SYNJ2BP: variants seen among roughly 807,000 people sequenced by gnomAD.
SYNJ2BP encodes synaptojanin 2 binding protein, also known as synaptojanin-2-binding protein.
In SYNJ2BP, 10 loss-of-function variants were observed where a neutral mutation model predicts 16.9. The observed-to-expected ratio is 0.59, with a 90% CI of 0.36 to 1.00. SYNJ2BP has a LOEUF of 1.00. Ranked by LOEUF, SYNJ2BP falls within the 50% of genes least tolerant of loss-of-function variation. The pLI, the probability that SYNJ2BP is intolerant of heterozygous loss-of-function variation, is 0.01. For missense variants in SYNJ2BP, 162 were observed against 186.7 expected, an observed-to-expected ratio of 0.87 and a Z score of 0.77; for synonymous variants, 54 against 68.4, an observed-to-expected ratio of 0.79 and a Z score of 1.04.
intron 1 of SYNJ2BP, among the ~76,000 whole-genome samples, chr14:70,394,550 A>C (rs1330399160): frequency 7.9e-5 from 12 of 151,972 alleles, no homozygotes; most frequent in Admixed American, 7.2e-4. Context: ...CAAGATTAAA[A>C]TGGGTTGCTG....
chr14:70,374,384 CT>C (rs1887579570), intron 3 of SYNJ2BP, among the ~76,000 whole-genome samples: 1 of 152,142 alleles, frequency 6.6e-6, no homozygotes, highest in African/African-American at 2.4e-5. Context: ...GCCTTCTCTA[CT>C]TTTTTAGGAA....
intron 1 of SYNJ2BP, among the ~76,000 whole-genome samples, chr14:70,390,547 A>T (rs573119985): frequency 6.6e-6 from 1 of 152,262 alleles, no homozygotes; most frequent in African/African-American, 2.4e-5. Context: ...AGGCACCTGT[A>T]GTCCCAGCTA....
At chr14:70,410,634 A>T (rs903980054) in intron 1 of SYNJ2BP, among the ~76,000 whole-genome samples, 1 of 152,196 alleles carries the variant, frequency 6.6e-6, no homozygotes, top group East Asian at 1.9e-4. Flanking sequence ...TCAATGGTAG[A>T]CTGGACAAAG....
chr14:70,395,568 G>C (rs1888071503), intron 1 of SYNJ2BP, among the ~76,000 whole-genome samples: 1 of 151,778 alleles, frequency 6.6e-6, no homozygotes, highest in Non-Finnish European at 1.5e-5. Context: ...TTTTCTCCCA[G>C]ACATCAATCA....
At chr14:70,391,971 C>A (rs1887990211) in intron 1 of SYNJ2BP, among the ~76,000 whole-genome samples, 2 of 152,202 alleles carry the variant, frequency 1.3e-5, no homozygotes, top group African/African-American at 4.8e-5. Flanking sequence ...ATAAAAGAGT[C>A]ACCACAGCAT....
intron 3 of SYNJ2BP, among the ~76,000 whole-genome samples, chr14:70,373,892 G>T (rs1171985625): frequency 6.6e-6 from 1 of 152,080 alleles, no homozygotes; most frequent in East Asian, 1.9e-4. Context: ...AATAATTATG[G>T]CATCATCGTA....
intron 1 of SYNJ2BP, among the ~76,000 whole-genome samples, chr14:70,395,970 C>CT (rs199613803): frequency 0.031 from 4,761 of 152,034 alleles, 106 homozygotes; most frequent in Middle Eastern, 0.075. Context: ...GAATTTCATT[C>CT]TTTTTTTTAA....
At chr14:70,396,728 G>A (rs1274386152) in intron 1 of SYNJ2BP, among the ~76,000 whole-genome samples, 1 of 152,050 alleles carries the variant, frequency 6.6e-6, no homozygotes, top group Non-Finnish European at 1.5e-5. Flanking sequence ...TTCCCTAACA[G>A]CTAGTGATGT....
intron 1 of SYNJ2BP, among the ~76,000 whole-genome samples, chr14:70,411,006 A>G (rs1888460900): frequency 6.6e-6 from 1 of 152,190 alleles, no homozygotes. Flanking sequence ...AACCTAAAAT[A>G]ATAGTTAAAT....
intron 1 of SYNJ2BP, among the ~76,000 whole-genome samples, chr14:70,401,899 C>T (rs759719179): frequency 6.6e-6 from 1 of 152,146 alleles, no homozygotes; most frequent in African/African-American, 2.4e-5. Flanking sequence ...AACCTACCAC[C>T]TCCGCCTCCC....
At chr14:70,413,713 A>C (rs1258687026) in intron 1 of SYNJ2BP, among the ~76,000 whole-genome samples, 2 of 152,186 alleles carry the variant, frequency 1.3e-5, no homozygotes, top group Non-Finnish European at 2.9e-5. Flanking sequence ...TTGCCTCTTC[A>C]CTCTGTTGTC....
In SYNJ2BP at chr14:70,400,523, AC is replaced by A. The variant is rs775401655; in HGVS notation, c.65-11918del. On this transcript the variant is annotated intron_variant, in intron 1 of 3. Coordinates refer to ENST00000256366, the MANE Select transcript of SYNJ2BP (RefSeq NM_018373.3). ...TCCCAAGTTCACTTTATAAAAAAAA[AC>A]AAACAATACCCTTTTGAATTTAGTA... Among the ~76,000 whole-genome samples the A allele has an allele frequency of 1.1e-4, 16 of 152,336 alleles. 1 individual carries two copies. Among genetic ancestry groups the A allele is most frequent in the South Asian group, 4.1e-4 (2 of 4,826 alleles).
intron 1 of SYNJ2BP, among the ~76,000 whole-genome samples, chr14:70,414,182 GA>G (rs539020594): frequency 1.3e-5 from 2 of 152,266 alleles, no homozygotes; most frequent in South Asian, 2.1e-4. Flanking sequence ...ACATGAACTT[GA>G]AACCTTTCTT....
chr14:70,401,677 C>G (rs529363220), intron 1 of SYNJ2BP, among the ~76,000 whole-genome samples: 1 of 152,196 alleles, frequency 6.6e-6, no homozygotes, highest in East Asian at 1.9e-4. Flanking sequence ...TCTCCAGGCT[C>G]TTGCTCTGTT....
At chr14:70,385,381 G>C (rs990217853) in intron 2 of SYNJ2BP, among the ~76,000 whole-genome samples, 2 of 151,748 alleles carry the variant, frequency 1.3e-5, no homozygotes, top group African/African-American at 4.9e-5. Context: ...TTTTGAGATA[G>C]AGTCTCACTC....
rs1887421004 is a variant in SYNJ2BP, at chr14:70,367,587, A to AG, written c.*5403dup. The AG allele has an allele frequency of 1.3e-5, 2 of 148,300 alleles. No homozygotes were observed. Among genetic ancestry groups the AG allele is most frequent in the South Asian group, 4.2e-4 (2 of 4,726 alleles). 9.2% of individuals were successfully genotyped at this position (148,300 alleles called of 1,614,324 possible). A position where few individuals can be genotyped will look rare whatever the true frequency, so the allele number is the denominator to read the frequency against. ...AAAAAAAAAAAAAAAAAAAAAAAAAAGAAAAGAAAAGAATCTGGTTCTGAT... is the reference window on the plus strand; with the variant it reads ...AAAAAAAAAAAAAAAAAAAAAAAAAAGGAAAAGAAAAGAATCTGGTTCTGAT... On this transcript the variant is annotated 3_prime_UTR_variant, in exon 4 of 4. Coordinates refer to ENST00000256366, the MANE Select transcript of SYNJ2BP (RefSeq NM_018373.3).
chr14:70,416,907 C>T lies in SYNJ2BP; in HGVS notation c.57G>A (p.Gly19=). 4 of 1,614,130 alleles carry T rather than the reference C, an allele frequency of 2.5e-6. No individual in the cohort carries two copies. Among genetic ancestry groups the T allele is most frequent in the Non-Finnish European group, 3.4e-6 (4 of 1,180,020 alleles). Residue 19 remains glycine (G), a synonymous_variant, in exon 1 of 4, where the codon GGG becomes GGA. Transcript: ENST00000256366. ...GACCCTTTCCGCACATACCTGAGGG[C>T]CCTCTGGTAAGATTGATCTCTTCCT... The part of the protein sequence containing the change: ...VTEEEINLTR[G]PSGLGFNIVG...
intron 2 of SYNJ2BP, 146 bp downstream of exon 2, chr14:70,388,324 G>A: frequency 4.0e-6 from 5 of 1,260,378 alleles, no homozygotes; most frequent in Non-Finnish European, 5.0e-6. Flanking sequence ...GGGTTGGAAA[G>A]AATGACTGAT....
At chr14:70,383,308 G>A (rs1019260101) in intron 2 of SYNJ2BP, among the ~76,000 whole-genome samples, 3 of 152,124 alleles carry the variant, frequency 2.0e-5, no homozygotes, top group African/African-American at 7.2e-5. Flanking sequence ...GTTTCTGCTG[G>A]GTCTTTCTCA....
Sources: gnomAD v4.1 joint callset for allele counts (sites outside exome capture counted in the v4.1 genomes callset) on GRCh38, gnomAD v4.1.1 for gene constraint, MANE v1.5 for transcripts, NCBI Gene and HGNC (gene_info 2026-07-23, HGNC 2026-07-21) for gene names.